The following GORAB variants were observed in gnomAD, a reference collection of about 807,000 sequenced individuals.
GORAB encodes the protein RAB6-interacting golgin.
GORAB carries 17 observed loss-of-function variants against 29.9 expected under a neutral mutation model. That is an observed-to-expected ratio of 0.57 (90% CI 0.39 to 0.85). The LOEUF is 0.85. GORAB is among the 40% of genes least tolerant of loss of function. The pLI is 0.00. For missense variants in GORAB, 442 were observed against 437.8 expected (o/e 1.01, Z -0.09); for synonymous variants, 183 against 157.2 (o/e 1.16, Z -1.23).
At chr1:170,533,837 C>T (rs965198816) in intron 1 of GORAB, among the ~76,000 whole-genome samples, 14 of 152,244 alleles carry the variant, frequency 9.2e-5, no homozygotes, top group African/African-American at 3.4e-4. Context: ...ATATCTTAAC[C>T]TCCTTGTATA....
At chr1:170,532,444 T>C in intron 1 of GORAB, 160 bp downstream of exon 1, 1 of 762,956 alleles carries the variant, frequency 1.3e-6, no homozygotes, top group Non-Finnish European at 2.2e-6. Context: ...AGAGGAGGAC[T>C]TACTGGGAGT....
intron 4 of GORAB, among the ~76,000 whole-genome samples, chr1:170,546,971 C>T (rs1649803297): frequency 6.6e-6 from 1 of 152,184 alleles, no homozygotes; most frequent in Admixed American, 6.5e-5. Flanking sequence ...AGGTGTGAGC[C>T]ACCACGCCTG....
rs1271547971 is a variant in GORAB at position 170,553,570 on chromosome 1, TTG to T, written c.*1110_*1111del. The T allele has an allele frequency of 2.2e-6, 1 of 450,322 alleles. No homozygotes were observed. The highest frequency in any genetic ancestry group is 2.0e-5 in the African/African-American group (1 of 49,798). The allele number at this position is 450,322 out of a possible 1,614,324, so 27.9% of individuals were successfully genotyped here. On this transcript the variant is annotated 3_prime_UTR_variant, in exon 5 of 5. Transcript: ENST00000367763. ...AGAGAACATAAGCACAAGTATAAGA[TTG>T]TATCCATAAAAGTTTCTGAAAAACT... is the stretch of plus-strand genomic sequence containing the variant.
chr1:170,552,436 GA>G lies in GORAB; in HGVS notation c.1085del (p.Asp362AlafsTer15). ...SPNCPNQEGN[D>X]ISAALAT is the part of the protein sequence containing the mutation. ...AAACTGCCCAAATCAAGAAGGTAAT[GA>G]CATTTCAGCTGCTTTGGCCACATGA... On this transcript the variant is annotated frameshift_variant, in exon 5 of 5. Transcript: ENST00000367763. LOFTEE classifies it high-confidence loss of function. The G allele has an allele frequency of 6.2e-7, 1 of 1,613,862 alleles. No individual in the cohort carries two copies. The highest frequency in any genetic ancestry group is 8.5e-7 in the Non-Finnish European group (1 of 1,179,896).
Position 170,552,269 on chromosome 1 carries a change from G to T in GORAB, c.917G>T (p.Arg306Leu). 6.2e-7 allele frequency: 1 copy of T among 1,614,120 alleles called. No individual in the cohort carries two copies. The highest frequency in any genetic ancestry group is 1.1e-5 in the South Asian group (1 of 91,084). The change falls in exon 5 of 5, where the codon CGT becomes CTT. Residue 306 changes from arginine (R) to leucine (L), a missense_variant. Coordinates refer to ENST00000367763, the MANE Select transcript of GORAB (RefSeq NM_152281.3). ...GTAGAATCAAGGAGACCAGTGGTTC[G>T]TTTAGAGAGGCCATTTCAGCCTGCG... ...QEVESRRPVV[R>L]LERPFQPAEE...
At position 170,551,945 on chromosome 1, in the gene GORAB, T is replaced by C. The variant is rs1461171601; in HGVS notation, c.663-70T>C. 5 of 1,359,850 alleles carry C rather than the reference T, an allele frequency of 3.7e-6. No homozygotes were observed. In the African/African-American group the frequency reaches 7.2e-5, roughly 20 times the overall value. 84.2% of individuals were successfully genotyped at this position (1,359,850 alleles called of 1,614,324 possible). A position where few individuals can be genotyped will look rare whatever the true frequency, so the allele number is the denominator to read the frequency against. On this transcript the variant is annotated intron_variant, in intron 4 of 4. Transcript: ENST00000367763. ...CCAATTTTGGAGTTGAGTTATTGTT[T>C]CTAGATCCTCTTTTGAATATCTTCT...
rs767596259 is a variant in GORAB at position 170,552,437 on chromosome 1, A to G, written c.1085A>G (p.Asp362Gly). The G allele has an allele frequency of 3.1e-6, 5 of 1,613,802 alleles. No individual in the cohort carries two copies. In the South Asian group the frequency reaches 5.5e-5, roughly 18 times the overall value. The change falls in exon 5 of 5, where the codon GAC (aspartate) becomes GGC (glycine). Residue 362 changes from aspartate (D) to glycine (G), a missense_variant. Asp to Gly is a moderately conservative substitution (Grantham distance 94). Transcript: ENST00000367763. ...SPNCPNQEGN[D>G]ISAALAT ...AACTGCCCAAATCAAGAAGGTAATG[A>G]CATTTCAGCTGCTTTGGCCACATGA...
chr1:170,540,223 A>T (rs572027824), intron 2 of GORAB, among the ~76,000 whole-genome samples: 19 of 152,064 alleles, frequency 1.2e-4, no homozygotes, highest in Admixed American at 5.9e-4. Context: ...ATTTCTTTTT[A>T]TTTATTCTTT....
chr1:170,532,683 G>A (rs977528472), intron 1 of GORAB: 4 of 200,938 alleles, frequency 2.0e-5, no homozygotes, highest in African/African-American at 2.3e-5. Context: ...GAATTGTGAT[G>A]AATTTATAGA....
intron 4 of GORAB, among the ~76,000 whole-genome samples, chr1:170,547,386 T>C (rs1338406863): frequency 6.7e-6 from 1 of 148,824 alleles, no homozygotes; most frequent in Admixed American, 6.8e-5. Context: ...TTGAGCCAAT[T>C]TGAGAGAGTT....
At position 170,539,524 on chromosome 1, in the gene GORAB, C is replaced by G. The variant is rs1286921903; in HGVS notation, c.376C>G (p.Pro126Ala). The part of the protein sequence containing the change: ...HDGHNNVEIL[P>A]PKPDCKLEKK... ...TGGTCACAACAATGTTGAGATTCTACCTCCAAAGCCAGATTGCAAATTGGA... is the reference window on the plus strand; with the variant it reads ...TGGTCACAACAATGTTGAGATTCTAGCTCCAAAGCCAGATTGCAAATTGGA... The change falls in exon 2 of 5, where the codon CCT becomes GCT. Residue 126 changes from proline to alanine, a missense_variant. Physicochemically the swap from Pro to Ala is conservative, Grantham distance 27. Transcript: ENST00000367763. The G allele has an allele frequency of 1.9e-6, 3 of 1,613,970 alleles. No individual in the cohort carries two copies. Among genetic ancestry groups the G allele is most frequent in the Non-Finnish European group, 2.5e-6 (3 of 1,179,892 alleles).
At chr1:170,539,067 TC>T (rs748641268) in intron 1 of GORAB, 142 bp from the exon 2 acceptor site, 18 of 973,380 alleles carry the variant, frequency 1.8e-5, no homozygotes, top group Non-Finnish European at 2.8e-5. Context: ...TGGCTGTTTT[TC>T]CCCTAGACTT....
At chr1:170,534,434 G>A (rs1363793287) in intron 1 of GORAB, among the ~76,000 whole-genome samples, 1 of 152,102 alleles carries the variant, frequency 6.6e-6, no homozygotes, top group Non-Finnish European at 1.5e-5. Context: ...TGTGGGACTT[G>A]AGTATGCACA....
intron 1 of GORAB, among the ~76,000 whole-genome samples, chr1:170,536,978 A>G (rs1397117567): frequency 2.6e-5 from 4 of 152,178 alleles, no homozygotes; most frequent in African/African-American, 9.7e-5. Context: ...GATATGGAGT[A>G]TATATCACAA....
Position 170,539,543 on chromosome 1 carries a change from A to C in GORAB, c.395A>C (p.Lys132Thr). 6.2e-7 allele frequency: 1 copy of C among 1,614,046 alleles called. No homozygotes were observed. The highest frequency in any genetic ancestry group is 8.5e-7 in the Non-Finnish European group (1 of 1,179,948). Residue 132 changes from lysine to threonine, a missense_variant, in exon 2 of 5, where the codon AAA (lysine) becomes ACA (threonine). By Grantham distance (78) the Lys-to-Thr change is moderately conservative. Transcript: ENST00000367763. ...VEILPPKPDC[K>T]LEKKKVELQE... is the part of the protein sequence containing the mutation. ...ATTCTACCTCCAAAGCCAGATTGCA[A>C]ATTGGAGAAAAAGAAAGTGGAATTG...
At position 170,552,682 on chromosome 1, in the gene GORAB, C is replaced by G. The variant is rs1558013236; in HGVS notation, c.*220C>G. On this transcript the variant is annotated 3_prime_UTR_variant, in exon 5 of 5. Transcript: ENST00000367763. ...CACCTTGATTTTGGCCCGGTTCTTTCAGTGTTCCGTTTACCCTTTTTACTG... is the reference window on the plus strand; with the variant it reads ...CACCTTGATTTTGGCCCGGTTCTTTGAGTGTTCCGTTTACCCTTTTTACTG... 1 of 595,542 alleles carries G rather than the reference C, an allele frequency of 1.7e-6. No individual in the cohort carries two copies. Among genetic ancestry groups the G allele is most frequent in the Non-Finnish European group, 3.1e-6 (1 of 318,928 alleles). 36.9% of individuals were successfully genotyped at this position (595,542 alleles called of 1,614,324 possible).
rs762930773 is a variant in GORAB at position 170,552,338 on chromosome 1, G to A, written c.986G>A (p.Cys329Tyr). The change falls in exon 5 of 5, where the codon TGT (cysteine) becomes TAT (tyrosine). Residue 329 changes from cysteine to tyrosine, a missense_variant. Coordinates refer to ENST00000367763, the MANE Select transcript of GORAB (RefSeq NM_152281.3). The stretch of plus-strand genomic sequence containing the variant: ...GAATTTGCTAAAGAGAACAGAAAGT[G>A]TCAAGAACAAGCTGTTTCCCCAAAG... Reference protein sequence around the residue: ...TLEFAKENRKCQEQAVSPKVD... With the variant: ...TLEFAKENRKYQEQAVSPKVD... 6.2e-7 allele frequency: 1 copy of A among 1,614,134 alleles called. No homozygotes were observed. Among genetic ancestry groups the A allele is most frequent in the East Asian group, 2.2e-5 (1 of 44,886 alleles).
chr1:170,552,280 C>T lies in GORAB; in HGVS notation c.928C>T (p.Pro310Ser). 6.2e-7 allele frequency: 1 copy of T among 1,614,064 alleles called. No individual in the cohort carries two copies. The highest frequency in any genetic ancestry group is 8.5e-7 in the Non-Finnish European group (1 of 1,179,976). The change falls in exon 5 of 5, where the codon CCA (proline) becomes TCA (serine). Residue 310 changes from proline to serine, a missense_variant. Physicochemically the swap from Pro to Ser is moderately conservative, Grantham distance 74. Coordinates refer to ENST00000367763, the MANE Select transcript of GORAB (RefSeq NM_152281.3). ...SRRPVVRLER[P>S]FQPAEESVTL... ...GAGACCAGTGGTTCGTTTAGAGAGG[C>T]CATTTCAGCCTGCGGAGGAGAGTGT...
intron 2 of GORAB, among the ~76,000 whole-genome samples, chr1:170,541,996 A>G (rs548495403): frequency 6.6e-6 from 1 of 152,324 alleles, no homozygotes; most frequent in East Asian, 1.9e-4. Context: ...GAGTTGGGAA[A>G]AAGTGAGCAA....
Sources: allele counts gnomAD v4.1 joint callset (sites outside exome capture counted in the v4.1 genomes callset), GRCh38; gene constraint gnomAD v4.1.1; transcripts MANE v1.5; gene names NCBI Gene and HGNC (gene_info 2026-07-23, HGNC 2026-07-21).